Variants in BMERB1 observed in about 807,000 individuals in gnomAD.
The protein encoded by BMERB1 is bMERB domain containing 1.
BMERB1 carries 12 observed loss-of-function variants against 23.6 expected under a neutral mutation model. That is an observed-to-expected ratio of 0.51 (90% CI 0.33 to 0.82). The LOEUF (loss-of-function observed/expected upper bound fraction) is 0.82, where lower values mean the gene tolerates loss of function less well. BMERB1 is among the 40% of genes least tolerant of loss of function. The pLI is 0.03. For missense variants in BMERB1, 247 were observed against 255.4 expected (o/e 0.97, Z 0.22); for synonymous variants, 122 against 96.6 (o/e 1.26, Z -1.54).
At chr16:15,503,360 C>A (rs1017200060) in intron 1 of BMERB1, among the ~76,000 whole-genome samples, 22 of 151,890 alleles carry the variant, frequency 1.4e-4, no homozygotes, top group Admixed American at 7.9e-4. Context: ...CGGCTCACTG[C>A]AAACTCCGCC....
At chr16:15,544,508 A>G (rs1256795766) in intron 2 of BMERB1, among the ~76,000 whole-genome samples, 2 of 152,184 alleles carry the variant, frequency 1.3e-5, no homozygotes, top group African/African-American at 4.8e-5. Context: ...GTAATTACTT[A>G]TGGGCAGAAA....
Position 15,581,137 on chromosome 16 carries a change from A to C in BMERB1, c.305-80A>C, listed in dbSNP as rs142079444. On this transcript the variant is annotated intron_variant, in intron 3 of 5. Coordinates refer to ENST00000300006, the MANE Select transcript of BMERB1 (RefSeq NM_033201.3). ...TCACCATGTTGACCAGGCTGGTCTGAAACTCCTGACCTCAAGTGATCCGCC... is the reference window on the plus strand; with the variant it reads ...TCACCATGTTGACCAGGCTGGTCTGCAACTCCTGACCTCAAGTGATCCGCC... 5.7e-4 allele frequency: 584 copies of C among 1,017,822 alleles called. 4 individuals carry two copies. The African/African-American group carries it at 8.3e-3, about 14-fold the overall frequency. 63.0% of individuals were successfully genotyped at this position (1,017,822 alleles called of 1,614,324 possible).
chr16:15,541,698 T>A (rs2150963066), intron 2 of BMERB1, among the ~76,000 whole-genome samples: 1 of 149,204 alleles, frequency 6.7e-6, no homozygotes, highest in Non-Finnish European at 1.5e-5. Context: ...GCCTCCCAGG[T>A]TCATGCCATT....
chr16:15,521,232 C>G (rs560337724), intron 2 of BMERB1, among the ~76,000 whole-genome samples: 1 of 152,344 alleles, frequency 6.6e-6, no homozygotes. Context: ...GACCAAACCC[C>G]TGGTGTTTCA....
chr16:15,451,890 T>C (rs112225695), intron 1 of BMERB1, among the ~76,000 whole-genome samples: 3 of 152,038 alleles, frequency 2.0e-5, no homozygotes, highest in African/African-American at 7.2e-5. Flanking sequence ...GAGTATTTCT[T>C]ACTGTGATCC....
intron 2 of BMERB1, among the ~76,000 whole-genome samples, chr16:15,516,425 G>A (rs1164805188): frequency 6.6e-6 from 1 of 151,858 alleles, no homozygotes; most frequent in African/African-American, 2.4e-5. Flanking sequence ...GTCGCTAAAA[G>A]AAAAAAATTA....
chr16:15,505,161 T>C (rs969691285), intron 1 of BMERB1, among the ~76,000 whole-genome samples: 1 of 152,148 alleles, frequency 6.6e-6, no homozygotes, highest in Non-Finnish European at 1.5e-5. Flanking sequence ...AACACAGGTA[T>C]GAGGCTGACC....
In BMERB1 at chr16:15,547,509, A is replaced by AT. The variant is rs947160919; in HGVS notation, c.231-20466dup. 4.7e-5 allele frequency among the ~76,000 whole-genome samples: 7 copies of AT among 149,002 alleles called. No individual in the cohort carries two copies. In the South Asian group the frequency reaches 8.5e-4, roughly 18 times the overall value. On this transcript the variant is annotated intron_variant, in intron 2 of 5. Transcript: ENST00000300006. ...AGGTGCCTGCCACCACGCCCAGCTA[A>AT]TTTTTTTTGTATTTTTAGGTGAGAC...
At chr16:15,535,974 G>A (rs935640334) in intron 2 of BMERB1, among the ~76,000 whole-genome samples, 7 of 152,064 alleles carry the variant, frequency 4.6e-5, no homozygotes, top group Non-Finnish European at 1.0e-4. Flanking sequence ...CACGAGAACA[G>A]CATGGAGGAA....
chr16:15,539,010 G>C (rs907242640), intron 2 of BMERB1, among the ~76,000 whole-genome samples: 1 of 152,140 alleles, frequency 6.6e-6, no homozygotes, highest in Non-Finnish European at 1.5e-5. Context: ...TGGGGTGGGG[G>C]CATGGTTTTG....
At chr16:15,437,296 G>C (rs1416628340) in intron 1 of BMERB1, among the ~76,000 whole-genome samples, 1 of 152,146 alleles carries the variant, frequency 6.6e-6, no homozygotes, top group Non-Finnish European at 1.5e-5. Context: ...TGCCTTGCTG[G>C]CTATGTGACT....
intron 1 of BMERB1, among the ~76,000 whole-genome samples, chr16:15,450,052 C>A (rs1201402946): frequency 6.6e-6 from 1 of 151,786 alleles, no homozygotes; most frequent in Non-Finnish European, 1.5e-5. Flanking sequence ...ACACCCAGCC[C>A]TGATACACTT....
chr16:15,564,858 C>G (rs766802763), intron 2 of BMERB1, among the ~76,000 whole-genome samples: 4 of 152,178 alleles, frequency 2.6e-5, no homozygotes, highest in African/African-American at 4.8e-5. Flanking sequence ...ATCTAACCTA[C>G]TGACCTGCAT....
intron 1 of BMERB1, among the ~76,000 whole-genome samples, chr16:15,507,230 C>T (rs966165017): frequency 3.3e-5 from 5 of 152,190 alleles, no homozygotes; most frequent in African/African-American, 4.8e-5. Flanking sequence ...GTTTTTAGAT[C>T]ACCAGCCCTC....
At chr16:15,479,310 A>G (rs777488218) in intron 1 of BMERB1, among the ~76,000 whole-genome samples, 2 of 152,210 alleles carry the variant, frequency 1.3e-5, no homozygotes, top group African/African-American at 4.8e-5. Flanking sequence ...AGTGTAAATC[A>G]GTGGCCTAAT....
At chr16:15,580,957 C>T (rs535841620) in intron 3 of BMERB1, among the ~76,000 whole-genome samples, 17 of 151,090 alleles carry the variant, frequency 1.1e-4, no homozygotes, top group African/African-American at 2.2e-4. Context: ...AGTGCAGTGG[C>T]GCAGTCTCAG....
intron 2 of BMERB1, among the ~76,000 whole-genome samples, chr16:15,557,248 G>A (rs1488706612): frequency 3.3e-5 from 5 of 152,096 alleles, no homozygotes; most frequent in African/African-American, 1.2e-4. Flanking sequence ...CATTAATCAG[G>A]TTCTTGAAGA....
intron 1 of BMERB1, chr16:15,502,301 T>A (rs549365045): frequency 6.4e-7 from 1 of 1,551,408 alleles, no homozygotes; most frequent in African/African-American, 1.4e-5. Flanking sequence ...CCTGTCAGTT[T>A]CCTCAGCCGC....
chr16:15,572,026 G>C (rs564279725), intron 3 of BMERB1, among the ~76,000 whole-genome samples: 4 of 152,164 alleles, frequency 2.6e-5, no homozygotes, highest in African/African-American at 7.2e-5. Flanking sequence ...GTGCCTCCTC[G>C]ACTTTGGCAA....
Sources: allele counts gnomAD v4.1 joint callset (sites outside exome capture counted in the v4.1 genomes callset), GRCh38; gene constraint gnomAD v4.1.1; transcripts MANE v1.5; gene names NCBI Gene and HGNC (gene_info 2026-07-23, HGNC 2026-07-21).